Variants in SLC14A2 observed in about 807,000 individuals in gnomAD.
SLC14A2 encodes the protein urea transporter 2.
A neutral mutation model predicts 104.6 loss-of-function variants in SLC14A2; 91 were observed. That is an observed-to-expected ratio of 0.87 (90% CI 0.73 to 1.04). The LOEUF is 1.04. Ranked by LOEUF, SLC14A2 falls within the 50% of genes least tolerant of loss-of-function variation. SLC14A2 has a pLI of 0.00. For missense variants in SLC14A2, 1,189 were observed against 1,156.0 expected (o/e 1.03, Z -0.41); for synonymous variants, 476 against 466.4 (o/e 1.02, Z -0.27).
intron 1 of SLC14A2, among the ~76,000 whole-genome samples, chr18:45,350,758 A>G (rs191838051): frequency 6.6e-6 from 1 of 151,500 alleles, no homozygotes; most frequent in Non-Finnish European, 1.5e-5. Flanking sequence ...CAAGGAAAAG[A>G]TTTATCCAGG....
intron 1 of SLC14A2, among the ~76,000 whole-genome samples, chr18:45,371,456 TA>T (rs1300016166): frequency 1.3e-5 from 2 of 152,192 alleles, no homozygotes; most frequent in Non-Finnish European, 2.9e-5. Flanking sequence ...AACACCATAC[TA>T]AACTAATTTA....
At chr18:45,377,740 T>A (rs2085790204) in intron 1 of SLC14A2, among the ~76,000 whole-genome samples, 1 of 152,190 alleles carries the variant, frequency 6.6e-6, no homozygotes, top group Non-Finnish European at 1.5e-5. Context: ...CCAGATGCAC[T>A]TTTTCTGTCC....
intron 2 of SLC14A2, among the ~76,000 whole-genome samples, chr18:45,602,046 C>A (rs2044798213): frequency 6.6e-6 from 1 of 152,226 alleles, no homozygotes; most frequent in Non-Finnish European, 1.5e-5. Flanking sequence ...TAGGAATACT[C>A]ATTCACTTCC....
chr18:45,515,994 G>A (rs994910545), intron 2 of SLC14A2, among the ~76,000 whole-genome samples: 11 of 152,184 alleles, frequency 7.2e-5, no homozygotes, highest in African/African-American at 2.7e-4. Flanking sequence ...TGAAGTTTTA[G>A]TATTAATAAC....
intron 10 of SLC14A2, among the ~76,000 whole-genome samples, chr18:45,645,448 G>C (rs1005874765): frequency 6.6e-6 from 1 of 151,768 alleles, no homozygotes; most frequent in Non-Finnish European, 1.5e-5. Context: ...AAAAAGCTTG[G>C]GAAATTTACT....
At chr18:45,522,362 A>G (rs946978482) in intron 2 of SLC14A2, among the ~76,000 whole-genome samples, 1 of 152,148 alleles carries the variant, frequency 6.6e-6, no homozygotes, top group African/African-American at 2.4e-5. Context: ...TAAACTCGAG[A>G]AGGTAACCCC....
upstream of SLC14A2, among the ~76,000 whole-genome samples, chr18:45,613,069 C>A (rs542271091): frequency 8.1e-4 from 124 of 152,262 alleles, no homozygotes; most frequent in African/African-American, 2.8e-3. Context: ...CAGTCTCACT[C>A]TGTCGCCCAG....
intron 2 of SLC14A2, among the ~76,000 whole-genome samples, chr18:45,515,771 A>C (rs1453597198): frequency 6.6e-6 from 1 of 152,252 alleles, no homozygotes; most frequent in Non-Finnish European, 1.5e-5. Flanking sequence ...GAATTGGTGC[A>C]ATCATTGGGT....
intron 2 of SLC14A2, among the ~76,000 whole-genome samples, chr18:45,583,091 A>G (rs1054136769): frequency 6.6e-6 from 1 of 152,240 alleles, no homozygotes; most frequent in African/African-American, 2.4e-5. Context: ...GGAGAAGGGA[A>G]GCAGGAAGGA....
the SLC14A2 span, among the ~76,000 whole-genome samples, chr18:45,186,366 C>CT: frequency 6.6e-6 from 1 of 152,250 alleles, no homozygotes; most frequent in Admixed American, 6.5e-5. Flanking sequence ...AAAGGATTGG[C>CT]TTTTTTTCCA....
chr18:45,291,260 T>C (rs573755202), intron 1 of SLC14A2, among the ~76,000 whole-genome samples: 105 of 151,866 alleles, frequency 6.9e-4, no homozygotes, highest in Middle Eastern at 3.4e-3. Context: ...GCAATTCAAA[T>C]TGGGAGACTA....
chr18:45,397,595 T>C (rs552548139), intron 1 of SLC14A2, among the ~76,000 whole-genome samples: 2 of 152,186 alleles, frequency 1.3e-5, no homozygotes, highest in Non-Finnish European at 2.9e-5. Context: ...TTGCAAATAT[T>C]TTCTCCCATT....
At chr18:45,356,702 C>T (rs1380961158) in intron 1 of SLC14A2, among the ~76,000 whole-genome samples, 1 of 152,186 alleles carries the variant, frequency 6.6e-6, no homozygotes, top group Non-Finnish European at 1.5e-5. Flanking sequence ...GGTGCTCAAA[C>T]ATGGCTGGCG....
At chr18:45,505,571 C>T (rs1373336586) in intron 2 of SLC14A2, among the ~76,000 whole-genome samples, 2 of 152,116 alleles carry the variant, frequency 1.3e-5, no homozygotes, top group Non-Finnish European at 2.9e-5. Flanking sequence ...CCAGAAACAG[C>T]CAATGTGCTA....
intron 1 of SLC14A2, among the ~76,000 whole-genome samples, chr18:45,404,553 C>T (rs2612562): frequency 0.24 from 37,241 of 152,094 alleles, 4,817 homozygotes; most frequent in East Asian, 0.42. Context: ...TCAGAATCTC[C>T]TGAGAAACTT....
intron 2 of SLC14A2, among the ~76,000 whole-genome samples, chr18:45,589,887 G>A (rs2044622954): frequency 6.6e-6 from 1 of 152,186 alleles, no homozygotes; most frequent in Non-Finnish European, 1.5e-5. Flanking sequence ...GAAAGGTAAG[G>A]AATTCTGAGG....
chr18:45,653,954 C>G (rs1320895584), intron 10 of SLC14A2, among the ~76,000 whole-genome samples: 1 of 152,116 alleles, frequency 6.6e-6, no homozygotes, highest in African/African-American at 2.4e-5. Flanking sequence ...AATGCTGGAG[C>G]GAGAATTCTA....
At chr18:45,369,715 G>A (rs191311681) in intron 1 of SLC14A2, among the ~76,000 whole-genome samples, 1 of 152,222 alleles carries the variant, frequency 6.6e-6, no homozygotes, top group Admixed American at 6.5e-5. Context: ...ACTTGCTCAA[G>A]GTTATATTTT....
At chr18:45,218,602 T>C (rs1188005996) in intron 1 of SLC14A2, among the ~76,000 whole-genome samples, 2 of 152,234 alleles carry the variant, frequency 1.3e-5, no homozygotes, top group East Asian at 3.8e-4. Context: ...TCTGAGGCAG[T>C]AAATAGTAAT....
Sources: gnomAD v4.1 joint callset for allele counts (sites outside exome capture counted in the v4.1 genomes callset) on GRCh38, gnomAD v4.1.1 for gene constraint, MANE v1.5 for transcripts, NCBI Gene and HGNC (gene_info 2026-07-23, HGNC 2026-07-21) for gene names.